RNF207: variants seen among roughly 807,000 people sequenced by gnomAD.
RNF207 encodes the protein OTTHUMG00000001089.
In RNF207, 72 loss-of-function variants were observed where a neutral mutation model predicts 79.0. The ratio of observed to expected loss-of-function variants is 0.91; its 90% CI spans 0.75 to 1.11. RNF207 has a LOEUF of 1.11. RNF207 is among the 50% of genes least tolerant of loss of function. The pLI is 0.00. For missense variants in RNF207, 936 were observed against 855.8 expected (o/e 1.09, Z -1.17); for synonymous variants, 348 against 366.2 (o/e 0.95, Z 0.57).
rs1557589102 is a variant in RNF207 at position 6,212,072 on chromosome 1, G to GC, written c.1296+21dup. On this transcript the variant is annotated intron_variant, in intron 13 of 17. Coordinates refer to ENST00000377939, the MANE Select transcript of RNF207 (RefSeq NM_207396.3). The stretch of plus-strand genomic sequence containing the variant: ...CTACCGGGTGAGGGGGCAGGGATCT[G>GC]CCGGAGGGGGGAGATGTCCTAACCC... 3.8e-6 allele frequency: 6 copies of GC among 1,575,304 alleles called. No homozygotes were observed. The highest frequency in any genetic ancestry group is 2.9e-5 in the African/African-American group (2 of 69,848).
rs1239750272 is a variant in RNF207 at position 6,209,274 on chromosome 1, C to T, written c.558C>T (p.Ser186=). The part of the protein sequence containing the change: ...IRCFRDMQKE[S]RAHCVDLESA... Reference sequence around the variant, plus strand: ...CACCCGCCGCCTTCTGCAGGGAGAGCCGGGCACACTGCGTGGACCTGGAAT... The same window carrying T: ...CACCCGCCGCCTTCTGCAGGGAGAGTCGGGCACACTGCGTGGACCTGGAAT... Residue 186 remains serine, a synonymous_variant, in exon 6 of 18, where the codon AGC becomes AGT. Transcript: ENST00000377939. The T allele has an allele frequency of 6.5e-7, 1 of 1,549,104 alleles. No homozygotes were observed. The highest frequency in any genetic ancestry group is 1.2e-5 in the South Asian group (1 of 84,040).
chr1:6,220,426 T>C lies in RNF207; in HGVS notation c.*1019T>C, dbSNP rs1668512005. The C allele has an allele frequency of 6.6e-6, 1 of 152,348 alleles. No individual in the cohort carries two copies. Among genetic ancestry groups the C allele is most frequent in the African/African-American group, 2.4e-5 (1 of 41,580 alleles). The allele number at this position is 152,348 out of a possible 1,614,324, so 9.4% of individuals were successfully genotyped here. On this transcript the variant is annotated 3_prime_UTR_variant, in exon 18 of 18. Coordinates refer to ENST00000377939, the MANE Select transcript of RNF207 (RefSeq NM_207396.3). ...CCACCACTGAGTGGCACCTGCCCTATTGCAAAGGAATCCAGTTCCTCCGGA... is the reference window on the plus strand; with the variant it reads ...CCACCACTGAGTGGCACCTGCCCTACTGCAAAGGAATCCAGTTCCTCCGGA...
In RNF207 at chr1:6,219,479, T is replaced by C; in HGVS notation, c.*72T>C. Reference sequence around the variant, plus strand: ...ACTGGGACACTGGACAGAAGGTTGTTCCCATGATGGTTTTTTTTATTTTTT... The same window carrying C: ...ACTGGGACACTGGACAGAAGGTTGTCCCCATGATGGTTTTTTTTATTTTTT... On this transcript the variant is annotated 3_prime_UTR_variant, in exon 18 of 18. Transcript: ENST00000377939. 8.8e-7 allele frequency: 1 copy of C among 1,141,752 alleles called. No individual in the cohort carries two copies. Among genetic ancestry groups the C allele is most frequent in the East Asian group, 2.5e-5 (1 of 40,456 alleles). 70.7% of individuals were successfully genotyped at this position (1,141,752 alleles called of 1,614,324 possible).
In RNF207 at chr1:6,209,966, C is replaced by T. The variant is rs1337338124; in HGVS notation, c.796C>T (p.Gln266Ter). The T allele has an allele frequency of 6.3e-7, 1 of 1,590,246 alleles. No individual in the cohort carries two copies. Among genetic ancestry groups the T allele is most frequent in the Non-Finnish European group, 8.6e-7 (1 of 1,167,696 alleles). Residue 266 changes from glutamine to a stop codon, truncating the protein, a stop_gained, in exon 8 of 18, where the codon CAG becomes TAG. Transcript: ENST00000377939. LOFTEE classifies it high-confidence loss of function. ...GAAAGCGCTGCTGCTGCAGGCTGTG[C>T]AGAGGTGAGTTGGGGGGAGCGGGGC... Reference protein sequence around the residue: ...ERKALLLQAVQSQYEEKDKAF... With the variant: ...ERKALLLQAV
rs1266856263 is a variant in RNF207, at chr1:6,212,002, C to T, written c.1245C>T (p.Gly415=). The T allele has an allele frequency of 3.5e-5, 56 of 1,590,980 alleles. No homozygotes were observed. The Middle Eastern group carries it at 1.0e-3, about 28-fold the overall frequency. ...SISTKVLLAE[G]ENTPFAEHCR... is the part of the protein sequence containing the mutation. ...GCACCAAGGTGCTGCTGGCGGAGGG[C>T]GAGAACACGCCCTTCGCAGAGCACT... is the stretch of plus-strand genomic sequence containing the variant. The change falls in exon 13 of 18, where the codon GGC becomes GGT. Residue 415 remains glycine (G), a synonymous_variant. Coordinates refer to ENST00000377939, the MANE Select transcript of RNF207 (RefSeq NM_207396.3).
rs1668232839 is a variant in RNF207 at position 6,212,952 on chromosome 1, A to G, written c.1535-114A>G. 11 of 808,554 alleles carry G rather than the reference A, an allele frequency of 1.4e-5. No homozygotes were observed. In the South Asian group the frequency reaches 1.4e-4, roughly 10 times the overall value. 50.1% of individuals were successfully genotyped at this position (808,554 alleles called of 1,614,324 possible). A position where few individuals can be genotyped will look rare whatever the true frequency, so the allele number is the denominator to read the frequency against. On this transcript the variant is annotated intron_variant, in intron 15 of 17. Coordinates refer to ENST00000377939, the MANE Select transcript of RNF207 (RefSeq NM_207396.3). ...CCCCCACCAAGTGCCTCCCTCTTTAATTAGAGGTCATCATGGAAATGGTCG... is the reference window on the plus strand; with the variant it reads ...CCCCCACCAAGTGCCTCCCTCTTTAGTTAGAGGTCATCATGGAAATGGTCG...
In RNF207 at chr1:6,212,369, G is replaced by A. The variant is rs375837721; in HGVS notation, c.1435G>A (p.Ala479Thr). 43 of 1,613,626 alleles carry A rather than the reference G, an allele frequency of 2.7e-5. No homozygotes were observed. The highest frequency in any genetic ancestry group is 1.6e-4 in the African/African-American group (12 of 74,972). The change falls in exon 14 of 18, where the codon GCC (alanine) becomes ACC (threonine). Residue 479 changes from alanine (A) to threonine (T), a missense_variant. Coordinates refer to ENST00000377939, the MANE Select transcript of RNF207 (RefSeq NM_207396.3). ...HKSLQLDVQI[A>T]SEHASLEGMR... The stretch of plus-strand genomic sequence containing the variant: ...GTCCCTGCAACTGGACGTGCAGATC[G>A]CCTCGGAGCACGCCTCCTTAGAGGG...
intron 16 of RNF207, among the ~76,000 whole-genome samples, chr1:6,216,216 A>AG (rs1399681960): frequency 3.9e-5 from 6 of 152,174 alleles, no homozygotes; most frequent in Non-Finnish European, 7.3e-5. Context: ...GAAGACTGGA[A>AG]GGGGACATGA....
intron 16 of RNF207, among the ~76,000 whole-genome samples, chr1:6,214,162 C>T (rs571870536): frequency 5.9e-5 from 9 of 152,182 alleles, no homozygotes; most frequent in Non-Finnish European, 1.0e-4. Flanking sequence ...TCAAAGGCAT[C>T]GCTCTCTCGC....
Position 6,209,040 on chromosome 1 carries a change from C to A in RNF207, c.469+15C>A, listed in dbSNP as rs748070120. The A allele has an allele frequency of 1.5e-5, 5 of 341,728 alleles. No individual in the cohort carries two copies. The highest frequency in any genetic ancestry group is 1.6e-5 in the Non-Finnish European group (3 of 187,264). The allele number at this position is 341,728 out of a possible 1,614,324, so 21.2% of individuals were successfully genotyped here. ...CCAGAAGTGCAGTGAGTGAGGCTTG[C>A]GGGGCCGGGGACTTGGGGGTGGGGG... On this transcript the variant is annotated intron_variant, in intron 4 of 17. Coordinates refer to ENST00000377939, the MANE Select transcript of RNF207 (RefSeq NM_207396.3).
In RNF207 at chr1:6,212,192, C is replaced by T. The variant is rs762894791; in HGVS notation, c.1297-39C>T. 1.9e-6 allele frequency: 3 copies of T among 1,590,252 alleles called. No individual in the cohort carries two copies. In the South Asian group the frequency reaches 3.4e-5, roughly 18 times the overall value. Reference sequence around the variant, plus strand: ...CCAAGTCCATGGCAGTAAAAACAGCCTAGGGTGACCCACGCTCTCACACAG... The same window carrying T: ...CCAAGTCCATGGCAGTAAAAACAGCTTAGGGTGACCCACGCTCTCACACAG... On this transcript the variant is annotated intron_variant, in intron 13 of 17. Transcript: ENST00000377939.
rs576065582 is a variant in RNF207 at position 6,211,291 on chromosome 1, G to A, written c.1109+173G>A. Among the ~76,000 whole-genome samples, 33 of 152,252 alleles carry A rather than the reference G, an allele frequency of 2.2e-4. No individual in the cohort carries two copies. The highest frequency in any genetic ancestry group is 7.5e-4 in the African/African-American group (31 of 41,548). On this transcript the variant is annotated intron_variant, in intron 12 of 17. Transcript: ENST00000377939. The surrounding 1 kb of genome is among the most constrained non-coding windows in gnomAD (Gnocchi z 4.2). ...TCTGGGCACAGGGGATGGCCAGGGC[G>A]AGTCCACTAAGTAGGGGAACAGGAA...
intron 13 of RNF207, 42 bp downstream of exon 13, chr1:6,212,095 C>G (rs1311009900): frequency 6.4e-7 from 1 of 1,563,998 alleles, no homozygotes; most frequent in Non-Finnish European, 8.7e-7. Flanking sequence ...GATGTCCTAA[C>G]CCACTCCTCA....
Position 6,211,508 on chromosome 1 carries a change from G to A in RNF207, c.1110-359G>A, listed in dbSNP as rs1291305379. ...ACTCATCTGGAGAGGAGTTAGAAGAGATGCTGAAATGGCATGTGTGTGTCC... is the reference window on the plus strand; with the variant it reads ...ACTCATCTGGAGAGGAGTTAGAAGAAATGCTGAAATGGCATGTGTGTGTCC... On this transcript the variant is annotated intron_variant, in intron 12 of 17. Transcript: ENST00000377939. The surrounding 1 kb of genome is among the most constrained non-coding windows in gnomAD (Gnocchi z 4.2). Among the ~76,000 whole-genome samples the A allele has an allele frequency of 6.6e-6, 1 of 152,176 alleles. No homozygotes were observed. The highest frequency in any genetic ancestry group is 2.4e-5 in the African/African-American group (1 of 41,436).
In RNF207 at chr1:6,209,150, G is replaced by GAGAAC. The variant is rs770038968; in HGVS notation, c.506_507insGAACA (p.Asp169GlufsTer45). 3.2e-5 allele frequency: 50 copies of GAGAAC among 1,558,202 alleles called. No individual in the cohort carries two copies. The South Asian group carries it at 4.8e-4, about 15-fold the overall frequency. On this transcript the variant is annotated frameshift_variant, in exon 5 of 18. Transcript: ENST00000377939. LOFTEE classifies it high-confidence loss of function. ...AGAGCCCTACCTCTTGTTCTCCACC[G>GAGAAC]ACAAGAAGTTGCTGTTGTGCATCCG...
chr1:6,212,697 T>G lies in RNF207; in HGVS notation c.1498T>G (p.Tyr500Asp). The change falls in exon 15 of 18, where the codon TAT (tyrosine) becomes GAT (aspartate). Residue 500 changes from tyrosine to aspartate, a missense_variant. Tyr to Asp is a radical substitution (Grantham distance 160, BLOSUM62 -3). Coordinates refer to ENST00000377939, the MANE Select transcript of RNF207 (RefSeq NM_207396.3). Reference protein sequence around the residue: ...VVFQEIWEEAYQRVANEQEIY... With the variant: ...VVFQEIWEEADQRVANEQEIY... Reference sequence around the variant, plus strand: ...TCTCTTTCAGATTTGGGAGGAAGCCTATCAGCGAGTGGCTAATGAGCAGGA... The same window carrying G: ...TCTCTTTCAGATTTGGGAGGAAGCCGATCAGCGAGTGGCTAATGAGCAGGA... 1 of 1,613,834 alleles carries G rather than the reference T, an allele frequency of 6.2e-7. No individual in the cohort carries two copies. Among genetic ancestry groups the G allele is most frequent in the Non-Finnish European group, 8.5e-7 (1 of 1,179,796 alleles).
chr1:6,216,768 C>T (rs553795401), intron 16 of RNF207, among the ~76,000 whole-genome samples: 1 of 150,766 alleles, frequency 6.6e-6, no homozygotes, highest in African/African-American at 2.4e-5. Flanking sequence ...CGGGGTTTCA[C>T]CATGTTAGCC....
At position 6,211,119 on chromosome 1, in the gene RNF207, G is replaced by T. The variant is rs552508881; in HGVS notation, c.1109+1G>T. ...CAGCTGCTGCAAGTGGTGCTAACACGTGAGCAGCAACCGGGGAGGCCAGGC... is the reference window on the plus strand; with the variant it reads ...CAGCTGCTGCAAGTGGTGCTAACACTTGAGCAGCAACCGGGGAGGCCAGGC... On this transcript the variant is annotated splice_donor_variant, in intron 12 of 17. Coordinates refer to ENST00000377939, the MANE Select transcript of RNF207 (RefSeq NM_207396.3). LOFTEE classifies it high-confidence loss of function. The surrounding 1 kb of genome is among the most constrained non-coding windows in gnomAD (Gnocchi z 4.2). The T allele has an allele frequency of 1.9e-6, 3 of 1,581,280 alleles. No homozygotes were observed. The South Asian group carries it at 3.4e-5, about 18-fold the overall frequency.
At position 6,209,528 on chromosome 1, in the gene RNF207, G is replaced by C. The variant is rs539137051; in HGVS notation, c.742G>C (p.Gly248Arg). Reference protein sequence around the residue: ...EEEDAIHALFGSMQDRLAERK... With the variant: ...EEEDAIHALFRSMQDRLAERK... ...GGAGGACGCTATCCACGCCCTCTTCGGCAGCATGCAGGTGAGGGGTGGGGG... is the reference window on the plus strand; with the variant it reads ...GGAGGACGCTATCCACGCCCTCTTCCGCAGCATGCAGGTGAGGGGTGGGGG... The change falls in exon 7 of 18, where the codon GGC (glycine) becomes CGC (arginine). Residue 248 changes from glycine to arginine, a missense_variant. Gly to Arg is a moderately radical substitution (Grantham distance 125). Coordinates refer to ENST00000377939, the MANE Select transcript of RNF207 (RefSeq NM_207396.3). 2.5e-5 allele frequency: 37 copies of C among 1,466,170 alleles called. No homozygotes were observed. The South Asian group carries it at 4.7e-4, about 19-fold the overall frequency. 90.8% of individuals were successfully genotyped at this position (1,466,170 alleles called of 1,614,324 possible). A position where few individuals can be genotyped will look rare whatever the true frequency, so the allele number is the denominator to read the frequency against.
Sources: gnomAD v4.1 joint callset for allele counts (sites outside exome capture counted in the v4.1 genomes callset) on GRCh38, gnomAD v4.1.1 for gene constraint, Gnocchi (gnomAD v3.1) non-coding constraint, MANE v1.5 for transcripts, NCBI Gene and HGNC (gene_info 2026-07-23, HGNC 2026-07-21) for gene names.